SORL1: variants seen among roughly 807,000 people sequenced by gnomAD.
SORL1 encodes the protein sortilin-related receptor.
A neutral mutation model predicts 273.7 loss-of-function variants in SORL1; 127 were observed. That is an observed-to-expected ratio of 0.46 (90% CI 0.40 to 0.54). The LOEUF (loss-of-function observed/expected upper bound fraction) is 0.54, where lower values mean the gene tolerates loss of function less well. Among genes scored for constraint, SORL1 ranks in the 20% least tolerant of loss-of-function variants. The pLI, the probability that SORL1 is intolerant of heterozygous loss-of-function variation, is 0.00. For synonymous variants in SORL1, 1,031 were observed against 1,067.4 expected, an observed-to-expected ratio of 0.97 and a Z score of 0.66; for missense variants, 2,494 against 2,846.1, an observed-to-expected ratio of 0.88 and a Z score of 2.81.
intron 18 of SORL1, 49 bp downstream of exon 18, chr11:121,555,367 C>G: frequency 6.2e-7 from 1 of 1,603,010 alleles, no homozygotes; most frequent in Non-Finnish European, 8.5e-7. Context: ...GGCGGGGCAC[C>G]TGGGCTTTGA....
At chr11:121,547,812 G>A (rs1480836631) in intron 14 of SORL1, among the ~76,000 whole-genome samples, 1 of 152,112 alleles carries the variant, frequency 6.6e-6, no homozygotes, top group Non-Finnish European at 1.5e-5. Flanking sequence ...CTATGGCACT[G>A]AGAAGGAAAA....
chr11:121,512,807 G>T (rs1364897338), intron 6 of SORL1, among the ~76,000 whole-genome samples, 196 bp from the exon 7 acceptor site: 1 of 152,124 alleles, frequency 6.6e-6, no homozygotes, highest in East Asian at 1.9e-4. Context: ...TGCAAACCGG[G>T]TATCTAAGAT....
At chr11:121,477,202 TATTA>T (rs375868018) in intron 2 of SORL1, among the ~76,000 whole-genome samples, 101 of 152,362 alleles carry the variant, frequency 6.6e-4, no homozygotes, top group African/African-American at 2.4e-3. Context: ...CCCGTGATTA[TATTA>T]ATTATTTCAC....
At chr11:121,490,198 T>C in intron 5 of SORL1, 88 bp downstream of exon 5, 1 of 855,540 alleles carries the variant, frequency 1.2e-6, no homozygotes, top group Admixed American at 1.8e-5. Flanking sequence ...TGCCCTCCCC[T>C]GAAATGTCCA....
At chr11:121,515,324 CAG>C (rs1271933316) in intron 8 of SORL1, among the ~76,000 whole-genome samples, 1 of 152,058 alleles carries the variant, frequency 6.6e-6, no homozygotes, top group Non-Finnish European at 1.5e-5. Flanking sequence ...AAAGCAAGAT[CAG>C]GGGATGGGGA....
At chr11:121,520,472 G>A (rs1862022789) in intron 8 of SORL1, among the ~76,000 whole-genome samples, 185 bp from the exon 9 acceptor site, 1 of 152,142 alleles carries the variant, frequency 6.6e-6, no homozygotes, top group Non-Finnish European at 1.5e-5. Context: ...GACTGCCAGT[G>A]GGTATGAGGT....
At position 121,625,091 on chromosome 11, in the gene SORL1, G is replaced by A; in HGVS notation, c.6178G>A (p.Glu2060Lys). The A allele has an allele frequency of 1.2e-6, 2 of 1,608,964 alleles. No homozygotes were observed. Among genetic ancestry groups the A allele is most frequent in the Non-Finnish European group, 1.7e-6 (2 of 1,176,152 alleles). Residue 2060 changes from glutamate (E) to lysine (K), a missense_variant, in exon 46 of 48, where the codon GAG becomes AAG. By Grantham distance (56) the Glu-to-Lys change is moderately conservative. Transcript: ENST00000260197. ...EKHFNESRGY[E>K]IHMFDSAMNI... ...CTCTTGTGTTTGTTTTCAGGGCTAT[G>A]AGATACACATGTTTGATAGTGCCAT...
intron 6 of SORL1, among the ~76,000 whole-genome samples, chr11:121,508,950 C>G (rs1275817445): frequency 6.6e-6 from 1 of 152,054 alleles, no homozygotes; most frequent in Non-Finnish European, 1.5e-5. Context: ...ATTTTCCAAC[C>G]TACACGAAAG....
intron 17 of SORL1, 105 bp from the exon 18 acceptor site, chr11:121,555,082 T>A: frequency 7.9e-7 from 1 of 1,263,128 alleles, no homozygotes; most frequent in Non-Finnish European, 1.1e-6. Flanking sequence ...ATCTCATCCC[T>A]TGCCAGTCCT....
chr11:121,619,345 A>G (rs1472790677), intron 42 of SORL1, among the ~76,000 whole-genome samples: 1 of 152,260 alleles, frequency 6.6e-6, no homozygotes, highest in Non-Finnish European at 1.5e-5. Flanking sequence ...ACAGCCGTTC[A>G]TAAGAAGTAT....
At position 121,595,835 on chromosome 11, in the gene SORL1, C is replaced by T; in HGVS notation, c.4519+63C>T. The T allele has an allele frequency of 1.3e-6, 2 of 1,537,668 alleles. No individual in the cohort carries two copies. The highest frequency in any genetic ancestry group is 2.3e-5 in the South Asian group (2 of 87,658). On this transcript the variant is annotated intron_variant, in intron 32 of 47. Transcript: ENST00000260197. The surrounding 1 kb of genome is among the most constrained non-coding windows in gnomAD (Gnocchi z 5.1). ...TTCTGCAGAGAGCACAGTTCTGGTG[C>T]TTCTGCTTCATTTCTGGATCAGCAC...
rs776277098 is a variant in SORL1, at chr11:121,595,643, A to G, written c.4390A>G (p.Thr1464Ala). 17 of 1,608,444 alleles carry G rather than the reference A, an allele frequency of 1.1e-5. No individual in the cohort carries two copies. The African/African-American group carries it at 1.7e-4, about 16-fold the overall frequency. ...TTTAGCAAACGTCACTGCTGCCTCC[A>G]CTCCCACCCAACTTGGGCGATGTGA... Reference protein sequence around the residue: ...PLLANVTAASTPTQLGRCDRF... With the variant: ...PLLANVTAASAPTQLGRCDRF... The change falls in exon 32 of 48, where the codon ACT becomes GCT. Residue 1464 changes from threonine to alanine, a missense_variant. Physicochemically the swap from Thr to Ala is moderately conservative, Grantham distance 58 (BLOSUM62 0). Transcript: ENST00000260197. The surrounding 1 kb of genome is among the most constrained non-coding windows in gnomAD (Gnocchi z 5.1).
intron 4 of SORL1, among the ~76,000 whole-genome samples, chr11:121,488,944 A>G (rs2134812164): frequency 6.6e-6 from 1 of 152,306 alleles, no homozygotes; most frequent in East Asian, 1.9e-4. Flanking sequence ...CTTAGGGAGT[A>G]ACCTAAGTAT....
chr11:121,457,072 AG>A (rs1860918023), intron 1 of SORL1, among the ~76,000 whole-genome samples: 1 of 152,202 alleles, frequency 6.6e-6, no homozygotes, highest in South Asian at 2.1e-4. Context: ...TGGCTCAATA[AG>A]GGACGTGACC....
chr11:121,574,236 T>G lies in SORL1; in HGVS notation c.3338-5T>G. ...GGAATATGTTGTCTTTCTATCCCAT[T>G]TTAGCTACCACCATCTGTGACCTGG... On this transcript the variant is annotated splice_region_variant and splice_polypyrimidine_tract_variant and intron_variant, in intron 23 of 47. Transcript: ENST00000260197. The G allele has an allele frequency of 1.2e-6, 2 of 1,613,662 alleles. No homozygotes were observed. Among genetic ancestry groups the G allele is most frequent in the Non-Finnish European group, 1.7e-6 (2 of 1,179,596 alleles).
At chr11:121,527,160 C>A (rs996540039) in intron 11 of SORL1, among the ~76,000 whole-genome samples, 1 of 150,610 alleles carries the variant, frequency 6.6e-6, no homozygotes, top group South Asian at 2.1e-4. Context: ...TCTTTATCAA[C>A]ATTTGGGAAG....
At chr11:121,606,018 G>A (rs537037908) in intron 35 of SORL1, among the ~76,000 whole-genome samples, 4 of 152,238 alleles carry the variant, frequency 2.6e-5, no homozygotes, top group African/African-American at 9.6e-5. Context: ...GTCTTCCCAG[G>A]CTCAGGTGGT....
chr11:121,630,642 T>A lies in SORL1; in HGVS notation c.*1079T>A, dbSNP rs2134961838. 1 of 152,316 alleles carries A rather than the reference T, an allele frequency of 6.6e-6. No individual in the cohort carries two copies. The highest frequency in any genetic ancestry group is 3.4e-3 in the Middle Eastern group (1 of 294). 9.4% of individuals were successfully genotyped at this position (152,316 alleles called of 1,614,324 possible). On this transcript the variant is annotated 3_prime_UTR_variant, in exon 48 of 48. Coordinates refer to ENST00000260197, the MANE Select transcript of SORL1 (RefSeq NM_003105.6). The stretch of plus-strand genomic sequence containing the variant: ...TGCCTTCTCTTTTTTTTTCTCCTCT[T>A]CTTCCATCTCCCTCACCCATGCCCC...
Position 121,591,164 on chromosome 11 carries a change from C to T in SORL1, c.4369+8C>T. Reference sequence around the variant, plus strand: ...AAGCCTGCCCCTTGCTTGGTGAGTTCTGGCCCAGGTCCTCTCCTGTGGTAC... The same window carrying T: ...AAGCCTGCCCCTTGCTTGGTGAGTTTTGGCCCAGGTCCTCTCCTGTGGTAC... On this transcript the variant is annotated splice_region_variant and intron_variant, in intron 31 of 47. Transcript: ENST00000260197. 1 of 1,614,010 alleles carries T rather than the reference C, an allele frequency of 6.2e-7. No homozygotes were observed. The highest frequency in any genetic ancestry group is 8.5e-7 in the Non-Finnish European group (1 of 1,179,952).
Sources: allele counts gnomAD v4.1 joint callset (sites outside exome capture counted in the v4.1 genomes callset), GRCh38; gene constraint gnomAD v4.1.1; non-coding constraint Gnocchi (gnomAD v3.1); transcripts MANE v1.5; gene names NCBI Gene and HGNC (gene_info 2026-07-23, HGNC 2026-07-21).